STAG3: variants seen among roughly 807,000 people sequenced by gnomAD.
STAG3 encodes STAG3 cohesin complex component, also known as cohesin subunit SA-3.
In STAG3, 101 loss-of-function variants were observed where a neutral mutation model predicts 160.7. That is an observed-to-expected ratio of 0.63 (90% CI 0.54 to 0.74). STAG3 has a LOEUF of 0.74. STAG3 is among the 30% of genes least tolerant of loss of function. The probability of loss-of-function intolerance (pLI) is 0.00; values close to 1 mark genes in which losing one functional copy is unlikely to be tolerated. For synonymous variants in STAG3, 519 were observed against 585.0 expected (o/e 0.89, Z 1.63); for missense variants, 1,188 against 1,517.4 (o/e 0.78, Z 3.61).
At chr7:100,191,649 G>A (rs1172400696) in intron 8 of STAG3, among the ~76,000 whole-genome samples, 1 of 152,200 alleles carries the variant, frequency 6.6e-6, no homozygotes, top group African/African-American at 2.4e-5. Flanking sequence ...TTTTGTTGGT[G>A]GAGGGTCTTG....
intron 8 of STAG3, among the ~76,000 whole-genome samples, chr7:100,192,232 T>C (rs1308421754): frequency 3.3e-5 from 5 of 152,184 alleles, no homozygotes; most frequent in African/African-American, 1.2e-4. Context: ...GCATTTAAAA[T>C]GGTGAATCCC....
rs770908481 is a variant in STAG3, at chr7:100,189,007, AC to A, written c.709del (p.Leu237TrpfsTer4). ...AGTCCGCGCCTTCCGTCACACTAGC[AC>A]CCTGGCTGGTGAGCATTCATTTTTA... is the stretch of plus-strand genomic sequence containing the variant. ...SQVRAFRHTS[T>X]LAAMKLMTSL... On this transcript the variant is annotated frameshift_variant, in exon 7 of 34. Coordinates refer to ENST00000615138, the MANE Select transcript of STAG3 (RefSeq NM_001282717.2). LOFTEE classifies it high-confidence loss of function. 6 of 1,614,044 alleles carry A rather than the reference AC, an allele frequency of 3.7e-6. No individual in the cohort carries two copies. The highest frequency in any genetic ancestry group is 5.1e-6 in the Non-Finnish European group (6 of 1,179,994).
At position 100,182,716 on chromosome 7, in the gene STAG3, A is replaced by C. The variant is rs764199172; in HGVS notation, c.220-7A>C. 9.3e-6 allele frequency: 15 copies of C among 1,613,516 alleles called. No individual in the cohort carries two copies. The highest frequency in any genetic ancestry group is 1.3e-5 in the Non-Finnish European group (15 of 1,179,802). ...TTTCATATTTCTGATCTTTTTATACATATTAGGTGGCAAAACATCCAAAGA... is the reference window on the plus strand; with the variant it reads ...TTTCATATTTCTGATCTTTTTATACCTATTAGGTGGCAAAACATCCAAAGA... On this transcript the variant is annotated splice_polypyrimidine_tract_variant and splice_region_variant and intron_variant, in intron 3 of 33. Coordinates refer to ENST00000615138, the MANE Select transcript of STAG3 (RefSeq NM_001282717.2).
At chr7:100,218,445 C>T (rs1189579631), downstream of STAG3, 2 of 210,550 alleles carry the variant, frequency 9.5e-6, no homozygotes, top group South Asian at 6.9e-5. Flanking sequence ...GGGTGGCTTG[C>T]CTCCCACATG....
chr7:100,204,561 T>C, intron 26 of STAG3, 66 bp from the exon 27 acceptor site: 1 of 1,567,946 alleles, frequency 6.4e-7, no homozygotes, highest in Non-Finnish European at 8.7e-7. Context: ...GAGAAGAGAA[T>C]GCTGGACTTC....
chr7:100,202,510 C>T lies in STAG3; in HGVS notation c.2620C>T (p.Leu874=), dbSNP rs570240675. Residue 874 remains leucine (L), a synonymous_variant, in exon 25 of 34, where the codon CTA becomes TTA. Coordinates refer to ENST00000615138, the MANE Select transcript of STAG3 (RefSeq NM_001282717.2). ...IERLHQRRRL[L]AGFCKLLLYG... is the part of the protein sequence containing the mutation. ...GCGGCTACACCAGCGGCGCCGCCTC[C>T]TAGCCGGGTTCTGCAAGCTGTTGCT... is the stretch of plus-strand genomic sequence containing the variant. The T allele has an allele frequency of 1.5e-5, 25 of 1,614,212 alleles. No individual in the cohort carries two copies. In the African/African-American group the frequency reaches 2.8e-4, roughly 18 times the overall value.
chr7:100,206,186 T>A (rs540413032), intron 29 of STAG3, among the ~76,000 whole-genome samples: 42 of 151,832 alleles, frequency 2.8e-4, no homozygotes, highest in Admixed American at 1.2e-3. Flanking sequence ...GGCTAATTTT[T>A]TTTGAATTTT....
At chr7:100,182,965 A>G (rs1584652655) in intron 4 of STAG3, 126 bp downstream of exon 4, 2 of 1,092,086 alleles carry the variant, frequency 1.8e-6, no homozygotes, top group Non-Finnish European at 2.8e-6. Flanking sequence ...AGATAAGGTT[A>G]TGGGGTGAAT....
At position 100,200,559 on chromosome 7, in the gene STAG3, C is replaced by T; in HGVS notation, c.1860+17C>T. On this transcript the variant is annotated intron_variant, in intron 18 of 33. Transcript: ENST00000615138. ...TTGGAGAAGGTAGGGAGATAGATTT[C>T]CTATACCTTGCTGCTTGCCTGCCAG... The T allele has an allele frequency of 6.2e-7, 1 of 1,612,904 alleles. No homozygotes were observed.
chr7:100,205,910 C>T (rs1801607655), intron 29 of STAG3, among the ~76,000 whole-genome samples: 1 of 152,034 alleles, frequency 6.6e-6, no homozygotes, highest in Admixed American at 6.6e-5. Context: ...TCCTCAACAT[C>T]TTGTATTCCA....
chr7:100,219,106 T>C (rs1803023290), downstream of STAG3: 2 of 152,512 alleles, frequency 1.3e-5, no homozygotes, highest in African/African-American at 2.4e-5. Context: ...AGTGAAGGGA[T>C]TGGGTGGCAT....
rs1801470646 is a variant in STAG3, at chr7:100,204,721, T to G, written c.2897T>G (p.Leu966Trp). Residue 966 changes from leucine to tryptophan, a missense_variant, in exon 27 of 34, where the codon TTG becomes TGG. Coordinates refer to ENST00000615138, the MANE Select transcript of STAG3 (RefSeq NM_001282717.2). ...EMRDLARRFA[L>W]SFGPQQLQNR... ...AGGGACCTGGCCCGGAGGTTTGCCT[T>G]GAGTTTTGGACCCCAGCAGCTGCAG... 6.2e-7 allele frequency: 1 copy of G among 1,613,790 alleles called. No homozygotes were observed. The highest frequency in any genetic ancestry group is 8.5e-7 in the Non-Finnish European group (1 of 1,179,980).
At position 100,182,191 on chromosome 7, in the gene STAG3, C is replaced by T. The variant is rs370022253; in HGVS notation, c.218C>T (p.Pro73Leu). Residue 73 changes from proline to leucine, a missense_variant and splice_region_variant, in exon 3 of 34, where the codon CCG becomes CTG. By Grantham distance (98) the Pro-to-Leu change is moderately conservative. Coordinates refer to ENST00000615138, the MANE Select transcript of STAG3 (RefSeq NM_001282717.2). ...RAAKRPPKTTPVAKHPKKGSR... is the reference protein window; with the variant it reads ...RAAKRPPKTTLVAKHPKKGSR... ...GCAAAACGACCACCGAAAACAACAC[C>T]GGTGAGTCAGCCAGTTTTCTTTTGT... The T allele has an allele frequency of 2.1e-5, 34 of 1,608,400 alleles. No homozygotes were observed. The highest frequency in any genetic ancestry group is 2.1e-4 in the Middle Eastern group (1 of 4,696).
chr7:100,196,647 G>C (rs1800710924), intron 9 of STAG3, among the ~76,000 whole-genome samples: 1 of 152,090 alleles, frequency 6.6e-6, no homozygotes, highest in African/African-American at 2.4e-5. Flanking sequence ...CAAAAAGGAA[G>C]CTGGGCGTGG....
Position 100,211,544 on chromosome 7 carries a change from G to A in STAG3, c.3518+5G>A, listed in dbSNP as rs781194937. The A allele has an allele frequency of 1.1e-4, 173 of 1,613,192 alleles. No homozygotes were observed. The highest frequency in any genetic ancestry group is 1.4e-4 in the Non-Finnish European group (168 of 1,179,740). On this transcript the variant is annotated splice_donor_5th_base_variant and intron_variant, in intron 31 of 33. Transcript: ENST00000615138. Reference sequence around the variant, plus strand: ...CCTGGGCAACCAGCTGATGCGGTGAGCTTTTCTCATCATCTCCTGTCTTCA... The same window carrying A: ...CCTGGGCAACCAGCTGATGCGGTGAACTTTTCTCATCATCTCCTGTCTTCA...
intron 6 of STAG3, 80 bp from the exon 7 acceptor site, chr7:100,188,732 T>TTGAG: frequency 1.4e-6 from 2 of 1,420,750 alleles, no homozygotes; most frequent in Non-Finnish European, 2.0e-6. Context: ...TACTGGACTG[T>TTGAG]TGAGTTTTGA....
intron 32 of STAG3, chr7:100,213,381 G>C: frequency 1.0e-6 from 1 of 985,042 alleles, no homozygotes; most frequent in Non-Finnish European, 1.2e-6. Flanking sequence ...GAACAGAATA[G>C]AACAGAACAG....
At chr7:100,200,680 T>G (rs573795922) in intron 18 of STAG3, 89 bp from the exon 19 acceptor site, 67 of 1,549,878 alleles carry the variant, frequency 4.3e-5, no homozygotes, top group Non-Finnish European at 5.8e-5. Context: ...TCCTTGAAGT[T>G]TAATGCTTTT....
intron 8 of STAG3, among the ~76,000 whole-genome samples, chr7:100,193,534 G>A (rs1163583343): frequency 6.6e-6 from 1 of 152,186 alleles, no homozygotes; most frequent in Non-Finnish European, 1.5e-5. Flanking sequence ...TTGATAACTT[G>A]TTGCTTCTCT....
Sources: allele counts gnomAD v4.1 joint callset (sites outside exome capture counted in the v4.1 genomes callset), GRCh38; gene constraint gnomAD v4.1.1; transcripts MANE v1.5; gene names NCBI Gene and HGNC (gene_info 2026-07-23, HGNC 2026-07-21).